GRIN2B: variants seen among roughly 807,000 people sequenced by gnomAD.
The protein encoded by GRIN2B is glutamate ionotropic receptor NMDA type subunit 2B, also known as glutamate receptor ionotropic, NMDA 2B.
A neutral mutation model predicts 114.5 loss-of-function variants in GRIN2B; 5 were observed. The observed-to-expected ratio is 0.04, with a 90% CI of 0.02 to 0.09. The LOEUF is 0.09. Among genes scored for constraint, GRIN2B ranks in the 10% least tolerant of loss-of-function variants. The pLI is 1.00. For missense variants in GRIN2B, 1,108 were observed against 1,943.5 expected, an observed-to-expected ratio of 0.57 and a Z score of 8.08; for synonymous variants, 787 against 745.1, an observed-to-expected ratio of 1.06 and a Z score of -0.92.
chr12:13,749,533 A>G (rs1863444010), intron 4 of GRIN2B, among the ~76,000 whole-genome samples: 1 of 152,246 alleles, frequency 6.6e-6, no homozygotes, highest in African/African-American at 2.4e-5. Flanking sequence ...ATAGCAGGCC[A>G]AAGGAAAAGT....
At chr12:13,979,818 A>G (rs1004423769) in intron 2 of GRIN2B, 110 bp downstream of exon 2, 1 of 152,148 alleles carries the variant, frequency 6.6e-6, no homozygotes, top group Non-Finnish European at 1.5e-5. Flanking sequence ...TTATTTTCAT[A>G]TCTTGTGACC....
intron 2 of GRIN2B, among the ~76,000 whole-genome samples, chr12:13,976,336 T>C (rs987067391): frequency 5.9e-5 from 9 of 152,218 alleles, no homozygotes; most frequent in South Asian, 2.1e-4. Flanking sequence ...CATCCAATCA[T>C]GTGCACAGGA....
intron 13 of GRIN2B, among the ~76,000 whole-genome samples, chr12:13,566,329 C>T (rs1411907267): frequency 6.6e-6 from 1 of 152,130 alleles, no homozygotes; most frequent in East Asian, 1.9e-4. Flanking sequence ...TTAGTCTCTC[C>T]ACTTTATTAA....
At chr12:13,900,682 C>T (rs1866433189) in intron 2 of GRIN2B, among the ~76,000 whole-genome samples, 1 of 152,086 alleles carries the variant, frequency 6.6e-6, no homozygotes, top group African/African-American at 2.4e-5. Flanking sequence ...TCATCGTATT[C>T]TTCCTTTTCT....
intron 2 of GRIN2B, among the ~76,000 whole-genome samples, chr12:13,948,469 G>C (rs1867407677): frequency 6.6e-6 from 1 of 152,112 alleles, no homozygotes; most frequent in African/African-American, 2.4e-5. Context: ...TCACAGATTT[G>C]GGTCTTAGAT....
At chr12:13,816,745 T>G (rs1471513641) in intron 3 of GRIN2B, among the ~76,000 whole-genome samples, 3 of 152,184 alleles carry the variant, frequency 2.0e-5, no homozygotes, top group Admixed American at 1.3e-4. Flanking sequence ...CAAGATAATA[T>G]ACATTATATG....
chr12:13,756,465 C>A (rs1003430931), intron 3 of GRIN2B, among the ~76,000 whole-genome samples: 4 of 152,188 alleles, frequency 2.6e-5, no homozygotes, highest in African/African-American at 9.7e-5. Context: ...CAAGGTGACA[C>A]CCCTAGAATA....
At chr12:13,690,242 C>A (rs1008246146) in intron 4 of GRIN2B, among the ~76,000 whole-genome samples, 1 of 151,472 alleles carries the variant, frequency 6.6e-6, no homozygotes, top group African/African-American at 2.4e-5. Flanking sequence ...TCCCATGCTA[C>A]TTCCTCACTT....
intron 3 of GRIN2B, among the ~76,000 whole-genome samples, chr12:13,835,817 C>T (rs981602902): frequency 1.4e-5 from 2 of 148,046 alleles, no homozygotes; most frequent in African/African-American, 5.0e-5. Context: ...GGAATATGTC[C>T]TAATTTGGAG....
intron 3 of GRIN2B, among the ~76,000 whole-genome samples, chr12:13,798,912 T>C (rs1440072243): frequency 6.6e-6 from 1 of 152,240 alleles, no homozygotes; most frequent in Non-Finnish European, 1.5e-5. Context: ...CCTGTTGCTC[T>C]TTTCTTCCAT....
intron 2 of GRIN2B, among the ~76,000 whole-genome samples, chr12:13,974,047 G>C (rs754612783): frequency 3.9e-5 from 6 of 152,138 alleles, no homozygotes; most frequent in Admixed American, 2.6e-4. Context: ...AGGAATAATG[G>C]GATCCCTCTT....
rs1565480005 is a variant in GRIN2B at position 13,621,367 on chromosome 12, A to ATTC, written c.1126-4711_1126-4710insGAA. On this transcript the variant is annotated intron_variant, in intron 5 of 13. Transcript: ENST00000609686. ...GAGACAATGTAGCGAGAAGAACTGAATGAAGAATTTATGCTTGAGATTAAA... is the reference window on the plus strand; with the variant it reads ...GAGACAATGTAGCGAGAAGAACTGAATTCTGAAGAATTTATGCTTGAGATTAAA... 4.6e-5 allele frequency among the ~76,000 whole-genome samples: 7 copies of ATTC among 152,276 alleles called. No homozygotes were observed. In the South Asian group the frequency reaches 1.4e-3, roughly 32 times the overall value.
intron 10 of GRIN2B, among the ~76,000 whole-genome samples, chr12:13,588,721 G>A (rs1948965831): frequency 6.6e-6 from 1 of 152,104 alleles, no homozygotes; most frequent in Non-Finnish European, 1.5e-5. Flanking sequence ...TTAAAATAAA[G>A]AGCCTGTCAC....
intron 5 of GRIN2B, among the ~76,000 whole-genome samples, chr12:13,624,350 A>G (rs1053883673): frequency 1.3e-5 from 2 of 152,158 alleles, no homozygotes; most frequent in African/African-American, 2.4e-5. Context: ...TCTTTCTTCC[A>G]TGAAAAGGAT....
intron 3 of GRIN2B, among the ~76,000 whole-genome samples, chr12:13,766,154 A>G (rs1435193506): frequency 1.3e-5 from 2 of 152,248 alleles, no homozygotes; most frequent in Non-Finnish European, 2.9e-5. Flanking sequence ...AATCAATCAC[A>G]TATTTATTAA....
At chr12:13,698,479 T>C (rs1010894829) in intron 4 of GRIN2B, among the ~76,000 whole-genome samples, 1 of 152,198 alleles carries the variant, frequency 6.6e-6, no homozygotes, top group Non-Finnish European at 1.5e-5. Context: ...TATAACAGAT[T>C]TTGAAAAGCC....
At chr12:13,608,526 G>T in intron 10 of GRIN2B, 77 bp downstream of exon 10, 2 of 1,039,008 alleles carry the variant, frequency 1.9e-6, no homozygotes, top group Non-Finnish European at 3.0e-6. Flanking sequence ...TAGAAGACAA[G>T]CAGGTACATG....
chr12:13,593,014 G>T (rs906477527), intron 10 of GRIN2B, among the ~76,000 whole-genome samples: 2 of 152,078 alleles, frequency 1.3e-5, no homozygotes, highest in Non-Finnish European at 2.9e-5. Context: ...ATTGCCTTGG[G>T]AACTATTTTA....
At chr12:13,847,441 A>G (rs1267478666) in intron 3 of GRIN2B, among the ~76,000 whole-genome samples, 1 of 152,148 alleles carries the variant, frequency 6.6e-6, no homozygotes, top group African/African-American at 2.4e-5. Context: ...CAGACAATAA[A>G]GCTAATGTTT....
Sources: allele counts gnomAD v4.1 joint callset (sites outside exome capture counted in the v4.1 genomes callset), GRCh38; gene constraint gnomAD v4.1.1; transcripts MANE v1.5; gene names NCBI Gene and HGNC (gene_info 2026-07-23, HGNC 2026-07-21).